TMPRSS7: variants seen among roughly 807,000 people sequenced by gnomAD.
TMPRSS7 encodes the protein transmembrane serine protease 7.
A neutral mutation model predicts 95.6 loss-of-function variants in TMPRSS7; 81 were observed. The ratio of observed to expected loss-of-function variants is 0.85; its 90% CI spans 0.71 to 1.02. TMPRSS7 has a LOEUF of 1.02. Ranked by LOEUF, TMPRSS7 falls within the 50% of genes least tolerant of loss-of-function variation. TMPRSS7 has a pLI of 0.00. For missense variants in TMPRSS7, 945 were observed against 955.2 expected, an observed-to-expected ratio of 0.99 and a Z score of 0.14; for synonymous variants, 364 against 337.8, an observed-to-expected ratio of 1.08 and a Z score of -0.85.
chr3:112,051,522 TCTATCTA>T lies in TMPRSS7; in HGVS notation c.1203+740_1203+746del, dbSNP rs1469355384. 2.7e-3 allele frequency among the ~76,000 whole-genome samples: 134 copies of T among 50,418 alleles called. 1 individual carries two copies. Among genetic ancestry groups the T allele is most frequent in the Middle Eastern group, 0.019 (2 of 106 alleles). The allele number at this position is 50,418 out of a possible 152,430, so 33.1% of individuals were successfully genotyped here. A position where few individuals can be genotyped will look rare whatever the true frequency, so the allele number is the denominator to read the frequency against. On this transcript the variant is annotated intron_variant, in intron 9 of 17. Coordinates refer to ENST00000452346, the Ensembl canonical transcript of TMPRSS7. The stretch of plus-strand genomic sequence containing the variant: ...AGTGCAAATGTATACGAAATATCTA[TCTATCTA>T]TCTATCTATCTATCTATCTATCTAT...
At position 112,079,970 on chromosome 3, in the gene TMPRSS7, C is replaced by T. The variant is rs73856358; in HGVS notation, c.2362-944C>T. 8.0e-3 allele frequency among the ~76,000 whole-genome samples: 1,217 copies of T among 152,212 alleles called. 18 individuals are homozygous for T. The highest frequency in any genetic ancestry group is 0.026 in the African/African-American group (1,062 of 41,522). On this transcript the variant is annotated intron_variant, in intron 17 of 17. Coordinates refer to ENST00000452346, the Ensembl canonical transcript of TMPRSS7. ...ATTTTGGGTGCTTCCCATAGCTAGTCGGTTACACAGCCCTGTTCCACACAG... is the reference window on the plus strand; with the variant it reads ...ATTTTGGGTGCTTCCCATAGCTAGTTGGTTACACAGCCCTGTTCCACACAG...
chr3:112,055,989 C>T (rs1356983146), intron 9 of TMPRSS7, among the ~76,000 whole-genome samples: 4 of 151,902 alleles, frequency 2.6e-5, no homozygotes, highest in Non-Finnish European at 5.9e-5. Context: ...CCCAGGAGTT[C>T]GAGACCAGCC....
At chr3:112,078,130 T>C (rs1482112263) in intron 16 of TMPRSS7, among the ~76,000 whole-genome samples, 1 of 152,218 alleles carries the variant, frequency 6.6e-6, no homozygotes, top group East Asian at 1.9e-4. Context: ...GGAAGGCAGC[T>C]GACTGTGAAC....
intron 8 of TMPRSS7, among the ~76,000 whole-genome samples, chr3:112,050,308 G>T (rs562457787): frequency 2.0e-5 from 3 of 152,210 alleles, no homozygotes; most frequent in African/African-American, 7.2e-5. Flanking sequence ...ACAGTTTAGA[G>T]CTTAGAGGAG....
At chr3:112,049,195 A>G (rs1332674788) in intron 7 of TMPRSS7, among the ~76,000 whole-genome samples, 1 of 152,152 alleles carries the variant, frequency 6.6e-6, no homozygotes, top group Non-Finnish European at 1.5e-5. Context: ...TCATCGAGAT[A>G]AGGGGTAGCT....
intron 13 of TMPRSS7, among the ~76,000 whole-genome samples, chr3:112,071,158 C>T (rs1175017630): frequency 6.6e-6 from 1 of 152,188 alleles, no homozygotes; most frequent in African/African-American, 2.4e-5. Context: ...CAAAATCTCT[C>T]AGCATTTGCT....
At chr3:112,054,012 G>A (rs982870589) in intron 9 of TMPRSS7, among the ~76,000 whole-genome samples, 1 of 152,198 alleles carries the variant, frequency 6.6e-6, no homozygotes, top group Non-Finnish European at 1.5e-5. Flanking sequence ...GCATAAGCAT[G>A]GATTTTTACG....
chr3:112,062,838 A>G (rs760554146), intron 11 of TMPRSS7, among the ~76,000 whole-genome samples: 23 of 152,124 alleles, frequency 1.5e-4, no homozygotes, highest in Non-Finnish European at 1.8e-4. Flanking sequence ...GGAAGGATTC[A>G]TTATTTCTCT....
intron 10 of TMPRSS7, among the ~76,000 whole-genome samples, chr3:112,061,425 G>T (rs1703493720): frequency 6.6e-6 from 1 of 152,146 alleles, no homozygotes; most frequent in Non-Finnish European, 1.5e-5. Context: ...ACTCCACTTT[G>T]CTTGGCAGAG....
exon 16 of TMPRSS7, chr3:112,077,122 C>T: frequency 6.2e-7 from 1 of 1,613,976 alleles, no homozygotes; most frequent in Non-Finnish European, 8.5e-7. Flanking sequence ...GGGTAACTGG[C>T]TGGGGGCGAA....
chr3:112,076,895 T>C (rs375305920), exon 16 of TMPRSS7: 2 of 1,614,196 alleles, frequency 1.2e-6, no homozygotes, highest in Non-Finnish European at 1.7e-6. Flanking sequence ...TCCCACACCA[T>C]GGACTGCACA....
intron 17 of TMPRSS7, among the ~76,000 whole-genome samples, chr3:112,080,542 TAC>T (rs2073765380): frequency 7.7e-6 from 1 of 129,824 alleles, no homozygotes; most frequent in Admixed American, 8.5e-5. Flanking sequence ...CTACTACTAC[TAC>T]TACCACCACT....
intron 5 of TMPRSS7, 28 bp downstream of exon 5, chr3:112,045,971 A>G (rs1260785962): frequency 2.0e-6 from 3 of 1,528,092 alleles, no homozygotes; most frequent in Non-Finnish European, 2.7e-6. Context: ...TTCCTTTAGC[A>G]TTCCTTCCTG....
At position 112,034,909 on chromosome 3, in the gene TMPRSS7, G is replaced by T. The variant is rs1203664049; in HGVS notation, c.48+16G>T. 1.4e-6 allele frequency: 1 copy of T among 702,812 alleles called. No individual in the cohort carries two copies. Among genetic ancestry groups the T allele is most frequent in the Non-Finnish European group, 2.6e-6 (1 of 384,880 alleles). The allele number at this position is 702,812 out of a possible 1,614,324, so 43.5% of individuals were successfully genotyped here. On this transcript the variant is annotated intron_variant, in intron 1 of 17. Transcript: ENST00000452346. ...TGACCTGAAAGTAAGTACAGGGTGA[G>T]AAACTTTCTCTTACTTGAATGCCAT...
intron 3 of TMPRSS7, chr3:112,042,881 A>G: frequency 2.5e-6 from 1 of 393,150 alleles, no homozygotes; most frequent in South Asian, 1.8e-5. Context: ...CTCTTGGCAC[A>G]TATTACCAAC....
Position 112,067,834 on chromosome 3 carries a change from A to G in TMPRSS7, c.1666+1332A>G, listed in dbSNP as rs185079389. Among the ~76,000 whole-genome samples the G allele has an allele frequency of 8.5e-5, 13 of 152,260 alleles. No homozygotes were observed. In the East Asian group the frequency reaches 2.3e-3, roughly 27 times the overall value. On this transcript the variant is annotated intron_variant, in intron 13 of 17. Transcript: ENST00000452346. ...TGCCATGCAGAAGCTCTTTAGTTTA[A>G]TTGGATCCCATTTGTCTATTTTGGC... is the stretch of plus-strand genomic sequence containing the variant.
intron 3 of TMPRSS7, among the ~76,000 whole-genome samples, 190 bp downstream of exon 3, chr3:112,042,240 C>T (rs1484277927): frequency 2.0e-5 from 3 of 152,212 alleles, no homozygotes; most frequent in African/African-American, 7.2e-5. Context: ...GAATTTCTCC[C>T]CCTGCCCCCA....
At chr3:112,073,322 G>C (rs2073673645) in intron 13 of TMPRSS7, among the ~76,000 whole-genome samples, 1 of 151,920 alleles carries the variant, frequency 6.6e-6, no homozygotes, top group African/African-American at 2.4e-5. Flanking sequence ...TCGAACTCCT[G>C]ACCTCAGGCA....
intron 2 of TMPRSS7, among the ~76,000 whole-genome samples, chr3:112,039,152 T>C (rs916015241): frequency 2.6e-5 from 4 of 152,218 alleles, no homozygotes; most frequent in Admixed American, 6.5e-5. Flanking sequence ...CCCTTTCCTA[T>C]AGAGTTCTCA....
Sources: allele counts gnomAD v4.1 joint callset (sites outside exome capture counted in the v4.1 genomes callset), GRCh38; gene constraint gnomAD v4.1.1; transcripts MANE v1.5; gene names NCBI Gene and HGNC (gene_info 2026-07-23, HGNC 2026-07-21).